MECOM: variants seen among roughly 807,000 people sequenced by gnomAD.
MECOM encodes histone-lysine N-methyltransferase MECOM.
A neutral mutation model predicts 116.3 loss-of-function variants in MECOM; 13 were observed. That is an observed-to-expected ratio of 0.11 (90% confidence interval 0.07 to 0.18). MECOM has a LOEUF of 0.18. Ranked by LOEUF, MECOM falls within the 10% of genes least tolerant of loss-of-function variation. The pLI is 1.00. For synonymous variants in MECOM, 528 were observed against 535.2 expected (o/e 0.99, Z 0.19); for missense variants, 1,299 against 1,509.0 (o/e 0.86, Z 2.31).
chr3:169,641,916 C>T (rs1345301867), intron 1 of MECOM, among the ~76,000 whole-genome samples: 1 of 152,162 alleles, frequency 6.6e-6, no homozygotes, highest in Non-Finnish European at 1.5e-5. Flanking sequence ...CATATGACAG[C>T]TGTAAGATTA....
chr3:169,366,056 C>A (rs994156222), intron 2 of MECOM, among the ~76,000 whole-genome samples: 1 of 152,024 alleles, frequency 6.6e-6, no homozygotes, highest in Non-Finnish European at 1.5e-5. Context: ...CAATTGCGTT[C>A]CTTCTCTTGC....
intron 2 of MECOM, among the ~76,000 whole-genome samples, chr3:169,258,542 C>G (rs1211330801): frequency 6.6e-6 from 1 of 152,198 alleles, no homozygotes; most frequent in African/African-American, 2.4e-5. Context: ...CACTCCTGCT[C>G]TAAGCCCTTC....
At chr3:169,137,024 A>G (rs1736567713) in intron 3 of MECOM, among the ~76,000 whole-genome samples, 1 of 152,056 alleles carries the variant, frequency 6.6e-6, no homozygotes, top group Non-Finnish European at 1.5e-5. Context: ...CTGAGAGAAA[A>G]CCTTTTCTGG....
At chr3:169,097,776 C>T (rs1490095655) in intron 12 of MECOM, among the ~76,000 whole-genome samples, 3 of 127,472 alleles carry the variant, frequency 2.4e-5, no homozygotes, top group Non-Finnish European at 4.7e-5. Flanking sequence ...GCCAGGAGTT[C>T]AAAACCAGCC....
At chr3:169,274,749 A>G (rs1759383294) in intron 2 of MECOM, among the ~76,000 whole-genome samples, 1 of 152,194 alleles carries the variant, frequency 6.6e-6, no homozygotes, top group African/African-American at 2.4e-5. Context: ...TAAGTTCCTC[A>G]CTCACGCTAG....
chr3:169,507,650 C>CTTTTTT lies in MECOM; in HGVS notation c.38-126132_38-126127dup, dbSNP rs1165167849. ...CAATTTTGGTTTAAATCCCCACTTGCTTTTTTTTTTTTTTTTTTTTTTTTT... is the reference window on the plus strand; with the variant it reads ...CAATTTTGGTTTAAATCCCCACTTGCTTTTTTTTTTTTTTTTTTTTTTTTTTTTTTT... On this transcript the variant is annotated intron_variant, in intron 1 of 16. Coordinates refer to ENST00000651503, the MANE Select transcript of MECOM (RefSeq NM_004991.4). 2.8e-3 allele frequency among the ~76,000 whole-genome samples: 161 copies of CTTTTTT among 57,134 alleles called. 17 individuals are homozygous for CTTTTTT. Among genetic ancestry groups the CTTTTTT allele is most frequent in the African/African-American group, 6.4e-3 (78 of 12,230 alleles). 37.5% of individuals were successfully genotyped at this position (57,134 alleles called of 152,430 possible).
At chr3:169,218,641 A>T (rs1346912455) in intron 2 of MECOM, among the ~76,000 whole-genome samples, 2 of 152,176 alleles carry the variant, frequency 1.3e-5, no homozygotes, top group African/African-American at 4.8e-5. Context: ...GGAATTTTGA[A>T]TACTGTATCC....
chr3:169,115,907 T>C lies in MECOM; in HGVS notation c.1965A>G (p.Ser655=), dbSNP rs779416590. The change falls in exon 8 of 17, where the codon TCA becomes TCG. Residue 655 remains serine (S), a synonymous_variant. Coordinates refer to ENST00000651503, the MANE Select transcript of MECOM (RefSeq NM_004991.4). ...CCTTTATAGAATCATTCACAGCTCC[T>C]GACACCGCAGTCTGCTCCTCTAAAG... ...SPSLEEQTAV[S]GAVNDSIKAI... is the part of the protein sequence containing the mutation. 15 of 1,614,122 alleles carry C rather than the reference T, an allele frequency of 9.3e-6. No homozygotes were observed. The highest frequency in any genetic ancestry group is 1.3e-5 in the Non-Finnish European group (15 of 1,180,030).
intron 1 of MECOM, among the ~76,000 whole-genome samples, chr3:169,642,975 G>A (rs1320261367): frequency 6.6e-6 from 1 of 152,136 alleles, no homozygotes; most frequent in Non-Finnish European, 1.5e-5. Flanking sequence ...ATTATAGAAG[G>A]CATGGTTCAA....
At chr3:169,288,696 G>T (rs1028170262) in intron 2 of MECOM, among the ~76,000 whole-genome samples, 10 of 152,176 alleles carry the variant, frequency 6.6e-5, no homozygotes, top group Non-Finnish European at 1.3e-4. Context: ...GCGTCTGTGT[G>T]TGTGTGTTCC....
chr3:169,639,431 G>A (rs1333805138), intron 1 of MECOM, among the ~76,000 whole-genome samples: 1 of 152,132 alleles, frequency 6.6e-6, no homozygotes, highest in Non-Finnish European at 1.5e-5. Context: ...GAATAACAAA[G>A]TATATAGTGA....
rs114115649 is a variant in MECOM at position 169,143,260 on chromosome 3, G to C, written c.510+438C>G. Among the ~76,000 whole-genome samples, 1,366 of 152,020 alleles carry C rather than the reference G, an allele frequency of 9.0e-3. 22 individuals carry two copies. Among genetic ancestry groups the C allele is most frequent in the African/African-American group, 0.031 (1,295 of 41,544 alleles). ...CAATATAAAATGCATAATTAGATAA[G>C]ATAACACTGATACTATGCATATACA... is the stretch of plus-strand genomic sequence containing the variant. On this transcript the variant is annotated intron_variant, in intron 3 of 16. Transcript: ENST00000651503.
chr3:169,278,329 A>G (rs1267186899), intron 2 of MECOM, among the ~76,000 whole-genome samples: 1 of 152,228 alleles, frequency 6.6e-6, no homozygotes, highest in Non-Finnish European at 1.5e-5. Flanking sequence ...TTCAGTCTGC[A>G]TATTGGACAA....
chr3:169,639,230 C>T (rs573308193), intron 1 of MECOM, among the ~76,000 whole-genome samples: 9 of 150,800 alleles, frequency 6.0e-5, no homozygotes, highest in East Asian at 5.8e-4. Context: ...CAAGCTCCAG[C>T]GATGGATTCA....
At chr3:169,091,827 C>A (rs1240944621) in intron 14 of MECOM, among the ~76,000 whole-genome samples, 1 of 145,586 alleles carries the variant, frequency 6.9e-6, no homozygotes, top group Non-Finnish European at 1.5e-5. Flanking sequence ...TGATGTTTGC[C>A]TTGAAAAAAT....
chr3:169,375,610 C>A (rs1173865534), intron 2 of MECOM, among the ~76,000 whole-genome samples: 1 of 151,876 alleles, frequency 6.6e-6, no homozygotes, highest in Admixed American at 6.6e-5. Flanking sequence ...ACAAATACAC[C>A]CTCCAAAGGC....
chr3:169,268,645 G>A (rs569069546), intron 2 of MECOM, among the ~76,000 whole-genome samples: 2 of 152,252 alleles, frequency 1.3e-5, no homozygotes, highest in East Asian at 1.9e-4. Context: ...AAGATTAAAC[G>A]CTAATAGTGC....
chr3:169,133,033 T>A (rs979439653), intron 3 of MECOM, among the ~76,000 whole-genome samples: 3 of 151,850 alleles, frequency 2.0e-5, no homozygotes, highest in Non-Finnish European at 4.4e-5. Flanking sequence ...GGATTACAAG[T>A]AAGCCACTGC....
intron 1 of MECOM, among the ~76,000 whole-genome samples, chr3:169,402,087 C>G (rs946194688): frequency 6.6e-6 from 1 of 152,072 alleles, no homozygotes; most frequent in Non-Finnish European, 1.5e-5. Context: ...GGCTGTGATG[C>G]TGGAGGATGA....
Sources: allele counts gnomAD v4.1 joint callset (sites outside exome capture counted in the v4.1 genomes callset), GRCh38; gene constraint gnomAD v4.1.1; transcripts MANE v1.5; gene names NCBI Gene and HGNC (gene_info 2026-07-23, HGNC 2026-07-21).